The following TRAF3 variants were observed in gnomAD, a reference collection of about 807,000 sequenced individuals.
The protein encoded by TRAF3 is TNF receptor associated factor 3.
A neutral mutation model predicts 62.3 loss-of-function variants in TRAF3; 13 were observed. That is an observed-to-expected ratio of 0.21 (90% CI 0.14 to 0.33). TRAF3 has a LOEUF of 0.33. Ranked by LOEUF, TRAF3 falls within the 10% of genes least tolerant of loss-of-function variation. TRAF3 has a pLI of 1.00. For missense variants in TRAF3, 440 were observed against 741.8 expected (o/e 0.59, Z 4.73); for synonymous variants, 269 against 283.4 (o/e 0.95, Z 0.51).
intron 1 of TRAF3, among the ~76,000 whole-genome samples, chr14:102,800,982 C>CCCTGGCTAACAT (rs879498515): frequency 6.6e-6 from 1 of 150,778 alleles, no homozygotes; most frequent in Non-Finnish European, 1.5e-5. Context: ...ATCGAGACCA[C>CCCTGGCTAACAT]GGTGAAACCC....
intron 10 of TRAF3, among the ~76,000 whole-genome samples, chr14:102,901,999 C>T (rs1331961333): frequency 6.6e-6 from 1 of 152,226 alleles, no homozygotes; most frequent in Non-Finnish European, 1.5e-5. Context: ...GAAGTGAAAA[C>T]CCTTTAAGTC....
chr14:102,811,939 T>TTG (rs1053196925), intron 1 of TRAF3, among the ~76,000 whole-genome samples: 5 of 128,524 alleles, frequency 3.9e-5, no homozygotes, highest in African/African-American at 1.6e-4. Context: ...TTTTTTTTTT[T>TTG]TTTTGTACAG....
intron 2 of TRAF3, among the ~76,000 whole-genome samples, chr14:102,841,346 G>A (rs1886363680): frequency 6.6e-6 from 1 of 152,206 alleles, no homozygotes; most frequent in African/African-American, 2.4e-5. Flanking sequence ...AAGGCTGGGA[G>A]GAGAACCACC....
At chr14:102,862,976 A>G (rs1210479269) in intron 2 of TRAF3, among the ~76,000 whole-genome samples, 1 of 151,748 alleles carries the variant, frequency 6.6e-6, no homozygotes, top group Non-Finnish European at 1.5e-5. Flanking sequence ...TTTTTTCTTT[A>G]TCAATATTTT....
Position 102,910,229 on chromosome 14 carries a change from C to G in TRAF3, c.*4445C>G, listed in dbSNP as rs1055140993. On this transcript the variant is annotated 3_prime_UTR_variant, in exon 12 of 12. Coordinates refer to ENST00000392745, the MANE Select transcript of TRAF3 (RefSeq NM_145725.3). Reference sequence around the variant, plus strand: ...GGGGGTAATTTGTGTGTCAGAAGGGCTCTGGCAGAGCTGTAAAATACTGTT... The same window carrying G: ...GGGGGTAATTTGTGTGTCAGAAGGGGTCTGGCAGAGCTGTAAAATACTGTT... 4 of 152,252 alleles carry G rather than the reference C, an allele frequency of 2.6e-5. No individual in the cohort carries two copies. The highest frequency in any genetic ancestry group is 9.6e-5 in the African/African-American group (4 of 41,472). The allele number at this position is 152,252 out of a possible 1,614,324, so 9.4% of individuals were successfully genotyped here.
chr14:102,778,474 GA>G (rs1210953459), intron 1 of TRAF3, among the ~76,000 whole-genome samples: 1 of 152,222 alleles, frequency 6.6e-6, no homozygotes, highest in East Asian at 1.9e-4. Flanking sequence ...GACGTGCTTG[GA>G]AATGCAAGAA....
chr14:102,841,971 G>A (rs555756520), intron 2 of TRAF3, among the ~76,000 whole-genome samples: 18 of 152,254 alleles, frequency 1.2e-4, no homozygotes, highest in Admixed American at 5.9e-4. Flanking sequence ...AATGCCGGGC[G>A]CAGTGGCTCA....
intron 1 of TRAF3, among the ~76,000 whole-genome samples, chr14:102,824,141 T>C (rs1162919900): frequency 1.3e-5 from 2 of 152,240 alleles, no homozygotes; most frequent in African/African-American, 4.8e-5. Flanking sequence ...CTGCTTTTGC[T>C]GCTTCTTTTA....
Position 102,886,236 on chromosome 14 carries a change from C to A in TRAF3, c.618C>A (p.His206Gln). The change falls in exon 7 of 12, where the codon CAC becomes CAA. Residue 206 changes from histidine (H) to glutamine (Q), a missense_variant. His to Gln is a conservative substitution (Grantham distance 24). This residue lies in a region of TRAF3 where 255 missense variants were observed against 424.1 expected (regional missense o/e 0.60). Coordinates refer to ENST00000392745, the MANE Select transcript of TRAF3 (RefSeq NM_145725.3). ...CCTGCGTGGTGGTGTCCTGCCCTCA[C>A]AAGTGCAGCGTCCAGACTCTCCTGA... Reference protein sequence around the residue: ...DCPCVVVSCPHKCSVQTLLRS... With the variant: ...DCPCVVVSCPQKCSVQTLLRS... 6.2e-7 allele frequency: 1 copy of A among 1,612,606 alleles called. No individual in the cohort carries two copies. The highest frequency in any genetic ancestry group is 8.5e-7 in the Non-Finnish European group (1 of 1,179,632).
chr14:102,901,255 G>A (rs911974468), intron 10 of TRAF3, among the ~76,000 whole-genome samples: 5 of 152,096 alleles, frequency 3.3e-5, no homozygotes, highest in Admixed American at 6.5e-5. Context: ...GGGGTGGCTC[G>A]GTGCCATCCC....
chr14:102,876,529 C>A lies in TRAF3; in HGVS notation c.570+4C>A. On this transcript the variant is annotated splice_donor_region_variant and intron_variant, in intron 6 of 11. Transcript: ENST00000392745. ...GGTTCCGATGATCGCGCTGCAGGTG[C>A]GGGTCCTCCCATTCCACAGGCCTTC... The A allele has an allele frequency of 6.2e-7, 1 of 1,612,740 alleles. No individual in the cohort carries two copies. The highest frequency in any genetic ancestry group is 8.5e-7 in the Non-Finnish European group (1 of 1,179,636).
intron 1 of TRAF3, among the ~76,000 whole-genome samples, chr14:102,816,458 A>T (rs980865261): frequency 1.3e-5 from 2 of 152,154 alleles, no homozygotes; most frequent in African/African-American, 4.8e-5. Flanking sequence ...AGTGTGGTTT[A>T]AAAAAATGCA....
intron 1 of TRAF3, among the ~76,000 whole-genome samples, chr14:102,801,845 C>T (rs912608256): frequency 3.3e-5 from 5 of 151,236 alleles, no homozygotes; most frequent in Admixed American, 6.6e-5. Context: ...AGTGAAACCC[C>T]GTCTACTAAA....
chr14:102,905,148 T>G, intron 11 of TRAF3, 65 bp from the exon 12 acceptor site: 2 of 1,494,954 alleles, frequency 1.3e-6, no homozygotes, highest in Non-Finnish European at 1.9e-6. Flanking sequence ...CTGGTGCAGC[T>G]TTGCTTTCCT....
In TRAF3 at chr14:102,872,517, C is replaced by T. The variant is rs561131933; in HGVS notation, c.297+549C>T. 1.7e-4 allele frequency among the ~76,000 whole-genome samples: 26 copies of T among 152,290 alleles called. No individual in the cohort carries two copies. The East Asian group carries it at 4.1e-3, about 24-fold the overall frequency. On this transcript the variant is annotated intron_variant, in intron 4 of 11. Transcript: ENST00000392745. ...CCTGTGGCTGTCCTCAGCTAGAGCC[C>T]GTGGGCGTCTCTGCACATTCAGAGG...
chr14:102,808,208 G>A (rs1201894867), intron 1 of TRAF3, among the ~76,000 whole-genome samples: 3 of 152,106 alleles, frequency 2.0e-5, no homozygotes, highest in Non-Finnish European at 2.9e-5. Context: ...CAATGGAGAT[G>A]GATGTGAAAG....
chr14:102,846,017 A>G (rs1800330930), intron 2 of TRAF3, among the ~76,000 whole-genome samples: 1 of 147,620 alleles, frequency 6.8e-6, no homozygotes, highest in Non-Finnish European at 1.5e-5. Context: ...AAATACTATT[A>G]TACCGCTGTT....
chr14:102,863,640 G>A (rs1270645327), intron 2 of TRAF3, among the ~76,000 whole-genome samples: 1 of 152,212 alleles, frequency 6.6e-6, no homozygotes, highest in African/African-American at 2.4e-5. Flanking sequence ...TTCCAAGAAT[G>A]TGTCAGAGCT....
intron 4 of TRAF3, among the ~76,000 whole-genome samples, chr14:102,873,840 T>C (rs575395841): frequency 6.6e-6 from 1 of 152,214 alleles, no homozygotes; most frequent in Non-Finnish European, 1.5e-5. Context: ...CAGCTGTTGA[T>C]TTTATTTCTC....
Sources: allele counts gnomAD v4.1 joint callset (sites outside exome capture counted in the v4.1 genomes callset), GRCh38; gene constraint gnomAD v4.1.1; regional missense constraint gnomAD v4.1.1; transcripts MANE v1.5; gene names NCBI Gene and HGNC (gene_info 2026-07-23, HGNC 2026-07-21).